OR9Q1: variants seen among roughly 807,000 people sequenced by gnomAD.
OR9Q1 encodes olfactory receptor 9Q1.
For synonymous variants in OR9Q1, 153 were observed against 148.6 expected, an observed-to-expected ratio of 1.03 and a Z score of -0.22; for missense variants, 374 against 378.8, an observed-to-expected ratio of 0.99 and a Z score of 0.11.
rs767472522 is a variant in OR9Q1, at chr11:58,030,437, C to T, written c.-93+6333C>T. Among the ~76,000 whole-genome samples the T allele has an allele frequency of 4.6e-4, 70 of 152,266 alleles. 1 individual carries two copies. The highest frequency in any genetic ancestry group is 4.1e-3 in the Admixed American group (62 of 15,296). ...TAAGTGCTTTACAGGAATTATCTAA[C>T]TTACATTTTCACAACAAATCTGTTA... On this transcript the variant is annotated intron_variant, in intron 1 of 2. Transcript: ENST00000335397.
At chr11:58,083,142 G>A (rs1245551209) in intron 2 of OR9Q1, among the ~76,000 whole-genome samples, 2 of 152,038 alleles carry the variant, frequency 1.3e-5, no homozygotes, top group Non-Finnish European at 2.9e-5. Context: ...TTTTTACGGA[G>A]TTAAGTCTTA....
In OR9Q1 at chr11:58,027,014, T is replaced by G. The variant is rs535161904; in HGVS notation, c.-93+2910T>G. Among the ~76,000 whole-genome samples, 17 of 152,338 alleles carry G rather than the reference T, an allele frequency of 1.1e-4. 1 individual carries two copies. The highest frequency in any genetic ancestry group is 2.9e-4 in the African/African-American group (12 of 41,574). ...TGTCAGGCAGTAGAGGAAGAACTGA[T>G]GGCGATTCAAGCATTTTTCTAGAAT... is the stretch of plus-strand genomic sequence containing the variant. On this transcript the variant is annotated intron_variant, in intron 1 of 2. Coordinates refer to ENST00000335397, the MANE Select transcript of OR9Q1 (RefSeq NM_001005212.4).
intron 2 of OR9Q1, among the ~76,000 whole-genome samples, chr11:58,087,178 T>C (rs188768165): frequency 1.3e-5 from 2 of 151,796 alleles, no homozygotes; most frequent in Admixed American, 6.6e-5. Context: ...AAATAAAAAA[T>C]GTCATTTTTG....
chr11:58,048,695 T>TA lies in OR9Q1; in HGVS notation c.-92-7175_-92-7174insA, dbSNP rs1403452829. Among the ~76,000 whole-genome samples the TA allele has an allele frequency of 8.3e-3, 1,173 of 140,914 alleles. 13 individuals carry two copies. The highest frequency in any genetic ancestry group is 0.027 in the South Asian group (115 of 4,310). 92.4% of individuals were successfully genotyped at this position (140,914 alleles called of 152,430 possible). On this transcript the variant is annotated intron_variant, in intron 1 of 2. Transcript: ENST00000335397. ...AAAAAAAAAAATATATATATATATA[T>TA]TTTTTAGCAAGACTAATAAAAAAAG... is the stretch of plus-strand genomic sequence containing the variant.
intron 2 of OR9Q1, chr11:58,118,914 G>A: frequency 6.2e-7 from 1 of 1,614,062 alleles, no homozygotes; most frequent in African/African-American, 1.3e-5. Context: ...GGTCACAGAA[G>A]AAGAAGTTTA....
At chr11:58,126,509 G>A (rs1220990741) in intron 2 of OR9Q1, among the ~76,000 whole-genome samples, 1 of 152,152 alleles carries the variant, frequency 6.6e-6, no homozygotes, top group African/African-American at 2.4e-5. Context: ...TTGAAAATTA[G>A]CAAGCATTCA....
At chr11:58,158,077 G>A (rs1854424128) in intron 2 of OR9Q1, among the ~76,000 whole-genome samples, 1 of 152,176 alleles carries the variant, frequency 6.6e-6, no homozygotes, top group African/African-American at 2.4e-5. Flanking sequence ...AGGCCTCATG[G>A]GAACTAGACT....
At chr11:58,174,758 A>G (rs1347840599) in intron 2 of OR9Q1, among the ~76,000 whole-genome samples, 1 of 151,396 alleles carries the variant, frequency 6.6e-6, no homozygotes, top group Non-Finnish European at 1.5e-5. Flanking sequence ...GGATATCTTC[A>G]TAATGAAATT....
intron 2 of OR9Q1, among the ~76,000 whole-genome samples, chr11:58,070,871 T>C (rs553208275): frequency 1.3e-5 from 2 of 152,298 alleles, no homozygotes; most frequent in Admixed American, 1.3e-4. Context: ...AGAAGAATGC[T>C]AACCAGTTCC....
intron 2 of OR9Q1, among the ~76,000 whole-genome samples, chr11:58,059,298 G>C (rs566205507): frequency 1.3e-5 from 2 of 152,030 alleles, no homozygotes; most frequent in African/African-American, 4.8e-5. Context: ...GAAAGATAAA[G>C]GCTCAAGTGA....
intron 2 of OR9Q1, among the ~76,000 whole-genome samples, chr11:58,103,813 T>C (rs1218105072): frequency 5.9e-5 from 9 of 152,162 alleles, no homozygotes; most frequent in African/African-American, 2.2e-4. Flanking sequence ...TGGCTTTTAT[T>C]CTGGGTAAGC....
chr11:58,150,851 G>T (rs888643004), intron 2 of OR9Q1, among the ~76,000 whole-genome samples: 1 of 152,142 alleles, frequency 6.6e-6, no homozygotes, highest in Non-Finnish European at 1.5e-5. Flanking sequence ...CCCCAGGCAG[G>T]TCCTTCAGGA....
intron 2 of OR9Q1, among the ~76,000 whole-genome samples, chr11:58,134,927 A>G (rs1206911251): frequency 6.6e-6 from 1 of 152,202 alleles, no homozygotes; most frequent in Non-Finnish European, 1.5e-5. Flanking sequence ...GTTCTAAAAT[A>G]TGGGATTATG....
chr11:58,138,887 T>C (rs1379183213), intron 2 of OR9Q1, among the ~76,000 whole-genome samples: 2 of 152,190 alleles, frequency 1.3e-5, no homozygotes, highest in African/African-American at 2.4e-5. Flanking sequence ...AGTGAAAGTT[T>C]GTACCCTTTG....
intron 2 of OR9Q1, chr11:58,057,739 TC>T (rs781287171): frequency 2.0e-5 from 3 of 152,232 alleles, no homozygotes; most frequent in Non-Finnish European, 4.4e-5. Flanking sequence ...TTTGGTGATC[TC>T]CCTGCTTCGT....
At chr11:58,145,207 C>A (rs1854288977) in intron 2 of OR9Q1, 1 of 152,266 alleles carries the variant, frequency 6.6e-6, no homozygotes, top group Non-Finnish European at 1.5e-5. Context: ...ACCTGTGCTT[C>A]TCACATGACT....
chr11:58,030,843 C>T (rs1853024943), intron 1 of OR9Q1: 6 of 700,668 alleles, frequency 8.6e-6, no homozygotes, highest in Non-Finnish European at 1.5e-5. Flanking sequence ...CATCATGTTT[C>T]TCTTCTGAAG....
chr11:58,031,791 T>C, intron 1 of OR9Q1: 2 of 1,614,028 alleles, frequency 1.2e-6, no homozygotes, highest in Non-Finnish European at 1.7e-6. Flanking sequence ...GTGGTATCTG[T>C]CTTCTACTCT....
intron 2 of OR9Q1, among the ~76,000 whole-genome samples, chr11:58,154,960 C>T (rs140552223): frequency 3.2e-4 from 48 of 152,280 alleles, no homozygotes; most frequent in African/African-American, 9.1e-4. Context: ...CAGCCAAGTT[C>T]TCTAAAGAAA....
Sources: allele counts gnomAD v4.1 joint callset (sites outside exome capture counted in the v4.1 genomes callset), GRCh38; gene constraint gnomAD v4.1.1; transcripts MANE v1.5; gene names NCBI Gene and HGNC (gene_info 2026-07-23, HGNC 2026-07-21).